Variants in DNAJC11 observed in about 807,000 individuals in gnomAD.
DNAJC11 encodes DnaJ heat shock protein family (Hsp40) member C11.
A neutral mutation model predicts 78.6 loss-of-function variants in DNAJC11; 15 were observed. The ratio of observed to expected loss-of-function variants is 0.19; its 90% confidence interval spans 0.13 to 0.29. The LOEUF is 0.29. Ranked by LOEUF, DNAJC11 falls within the 10% of genes least tolerant of loss-of-function variation. DNAJC11 has a pLI of 1.00. For synonymous variants in DNAJC11, 292 were observed against 272.1 expected, an observed-to-expected ratio of 1.07 and a Z score of -0.72; for missense variants, 547 against 709.6, an observed-to-expected ratio of 0.77 and a Z score of 2.60.
chr1:6,639,392 C>T (rs1312520506), intron 11 of DNAJC11, among the ~76,000 whole-genome samples: 8 of 150,654 alleles, frequency 5.3e-5, no homozygotes, highest in Admixed American at 2.6e-4. Context: ...TGCAATGGCG[C>T]AATCTAGGCT....
intron 1 of DNAJC11, among the ~76,000 whole-genome samples, chr1:6,695,063 G>A (rs920699527): frequency 6.0e-5 from 9 of 150,848 alleles, no homozygotes; most frequent in African/African-American, 1.5e-4. Flanking sequence ...GGAGAATGGC[G>A]TGAACCCAGA....
At chr1:6,674,702 T>C (rs1642432557) in intron 3 of DNAJC11, among the ~76,000 whole-genome samples, 1 of 151,768 alleles carries the variant, frequency 6.6e-6, no homozygotes, top group African/African-American at 2.4e-5. Context: ...CACTCTAGCC[T>C]GGGTGACAAA....
At chr1:6,662,048 C>T (rs1358278773) in intron 4 of DNAJC11, among the ~76,000 whole-genome samples, 71 of 152,000 alleles carry the variant, frequency 4.7e-4, no homozygotes, top group African/African-American at 1.6e-3. Context: ...ACCTCCAGGG[C>T]TCAAGCATTC....
chr1:6,662,057 TC>T (rs1486999538), intron 4 of DNAJC11, among the ~76,000 whole-genome samples: 72 of 151,552 alleles, frequency 4.8e-4, no homozygotes, highest in African/African-American at 1.6e-3. Flanking sequence ...GCTCAAGCAT[TC>T]CTCCTGCCTC....
chr1:6,684,036 T>C (rs1642596085), intron 1 of DNAJC11, among the ~76,000 whole-genome samples: 1 of 152,088 alleles, frequency 6.6e-6, no homozygotes, highest in African/African-American at 2.4e-5. Flanking sequence ...TGTGATGATG[T>C]AAAAGGGACT....
rs558367703 is a variant in DNAJC11, at chr1:6,650,922, A to C, written c.704+607T>G. ...TAAACTCCATGTGCTCCATTCTAGG[A>C]CTCCTTCAGCTATATCTTCCTCTGG... On this transcript the variant is annotated intron_variant, in intron 7 of 15. Transcript: ENST00000377577. 2.4e-3 allele frequency: 925 copies of C among 378,544 alleles called. 22 individuals carry two copies. The highest frequency in any genetic ancestry group is 0.019 in the South Asian group (890 of 46,760). The allele number at this position is 378,544 out of a possible 1,614,324, so 23.4% of individuals were successfully genotyped here.
intron 4 of DNAJC11, among the ~76,000 whole-genome samples, chr1:6,655,051 C>T (rs1642107261): frequency 6.6e-6 from 1 of 152,190 alleles, no homozygotes; most frequent in Non-Finnish European, 1.5e-5. Flanking sequence ...CTCGCCTCGG[C>T]CTCCCAAAGT....
chr1:6,656,195 T>G (rs148085748), intron 4 of DNAJC11, among the ~76,000 whole-genome samples: 2 of 149,514 alleles, frequency 1.3e-5, no homozygotes, highest in African/African-American at 4.9e-5. Flanking sequence ...AAAAAAACCA[T>G]ACAAAATAAA....
chr1:6,691,505 C>G (rs1444145808), intron 1 of DNAJC11, among the ~76,000 whole-genome samples: 1 of 152,210 alleles, frequency 6.6e-6, no homozygotes, highest in African/African-American at 2.4e-5. Context: ...ATTGATGGCT[C>G]AGATCCTATC....
chr1:6,695,853 C>T (rs1359575230), intron 1 of DNAJC11, among the ~76,000 whole-genome samples: 2 of 151,704 alleles, frequency 1.3e-5, no homozygotes, highest in Non-Finnish European at 2.9e-5. Context: ...AAATTACTAG[C>T]GTTGAAGCAT....
rs531613111 is a variant in DNAJC11 at position 6,634,430 on chromosome 1, C to T, written c.*1245G>A. On this transcript the variant is annotated 3_prime_UTR_variant, in exon 16 of 16. Coordinates refer to ENST00000377577, the MANE Select transcript of DNAJC11 (RefSeq NM_018198.4). ...AGAGGAAGGAGGTTCTTAGCCGTTA[C>T]TCAGATACCAGTGCTGGGGAGGGAG... 352 of 1,265,762 alleles carry T rather than the reference C, an allele frequency of 2.8e-4. No homozygotes were observed. In the African/African-American group the frequency reaches 4.5e-3, roughly 16 times the overall value. 78.4% of individuals were successfully genotyped at this position (1,265,762 alleles called of 1,614,324 possible).
At chr1:6,637,109 C>G in intron 14 of DNAJC11, 89 bp downstream of exon 14, 1 of 1,554,274 alleles carries the variant, frequency 6.4e-7, no homozygotes, top group Non-Finnish European at 8.7e-7. Context: ...CTTGGCCTTC[C>G]AAAGTGCTAG....
In DNAJC11 at chr1:6,680,595, G is replaced by A. The variant is rs977746615; in HGVS notation, c.202+313C>T. Among the ~76,000 whole-genome samples the A allele has an allele frequency of 2.0e-5, 3 of 152,100 alleles. No individual in the cohort carries two copies. Among genetic ancestry groups the A allele is most frequent in the Admixed American group, 6.6e-5 (1 of 15,266 alleles). The stretch of plus-strand genomic sequence containing the variant: ...AGAACAAAGAAACCTTCCCTGTAAC[G>A]ATCAGCCTTTTACCTATAAGAGTTC... On this transcript the variant is annotated intron_variant, in intron 2 of 15. Transcript: ENST00000377577. The surrounding 1 kb of genome is among the most constrained non-coding windows in gnomAD (Gnocchi z 4.0).
chr1:6,666,270 T>C (rs1364388617), intron 4 of DNAJC11, among the ~76,000 whole-genome samples: 1 of 152,038 alleles, frequency 6.6e-6, no homozygotes, highest in African/African-American at 2.4e-5. Context: ...GGATATATGG[T>C]CCTTTAAATG....
chr1:6,673,195 CAA>C (rs70981399), intron 3 of DNAJC11, among the ~76,000 whole-genome samples: 1 of 39,300 alleles, frequency 2.5e-5, no homozygotes, highest in Non-Finnish European at 4.1e-5. Flanking sequence ...AACTCCATCT[CAA>C]AAAAAAAAAA....
chr1:6,654,781 CTTTT>C (rs3062933), intron 4 of DNAJC11, among the ~76,000 whole-genome samples: 50,934 of 141,660 alleles, frequency 0.36, 8,848 homozygotes, highest in African/African-American at 0.41. Context: ...GCTAGCTTTT[CTTTT>C]TTTTTTTTTT....
intron 1 of DNAJC11, among the ~76,000 whole-genome samples, chr1:6,690,654 G>A (rs1459994206): frequency 6.6e-6 from 1 of 152,198 alleles, no homozygotes; most frequent in Non-Finnish European, 1.5e-5. Context: ...CCTGGGCGTG[G>A]TGGCTCACGC....
rs188143921 is a variant in DNAJC11, at chr1:6,689,259, G to A, written c.73-8222C>T. 1.2e-4 allele frequency among the ~76,000 whole-genome samples: 19 copies of A among 152,276 alleles called. No individual in the cohort carries two copies. In the East Asian group the frequency reaches 3.5e-3, roughly 28 times the overall value. The stretch of plus-strand genomic sequence containing the variant: ...CAGAAATTCAAGGCTGAGGTTGTGC[G>A]GCCAGCAGCCTGGAAGCTGAAAGGA... On this transcript the variant is annotated intron_variant, in intron 1 of 15. Coordinates refer to ENST00000377577, the MANE Select transcript of DNAJC11 (RefSeq NM_018198.4).
chr1:6,665,713 C>T (rs1053134324), intron 4 of DNAJC11, among the ~76,000 whole-genome samples: 2 of 152,204 alleles, frequency 1.3e-5, no homozygotes, highest in African/African-American at 4.8e-5. Flanking sequence ...CACACACCCC[C>T]AGATGGCCGA....
Sources: gnomAD v4.1 joint callset for allele counts (sites outside exome capture counted in the v4.1 genomes callset) on GRCh38, gnomAD v4.1.1 for gene constraint, Gnocchi (gnomAD v3.1) non-coding constraint, MANE v1.5 for transcripts, NCBI Gene and HGNC (gene_info 2026-07-23, HGNC 2026-07-21) for gene names.